The following TMEM131L variants were observed in gnomAD, a reference collection of about 807,000 sequenced individuals.
TMEM131L encodes transmembrane protein 131-like.
A neutral mutation model predicts 192.2 loss-of-function variants in TMEM131L; 54 were observed. That is an observed-to-expected ratio of 0.28 (90% CI 0.23 to 0.35). TMEM131L has a LOEUF of 0.35. TMEM131L is among the 10% of genes least tolerant of loss of function. TMEM131L has a pLI of 1.00. For synonymous variants in TMEM131L, 701 were observed against 704.9 expected (o/e 0.99, Z 0.09); for missense variants, 1,888 against 1,972.9 (o/e 0.96, Z 0.82).
chr4:153,536,363 T>A (rs1736322292), intron 3 of TMEM131L, among the ~76,000 whole-genome samples: 1 of 152,188 alleles, frequency 6.6e-6, no homozygotes, highest in African/African-American at 2.4e-5. Context: ...GGAAAACTCT[T>A]CATGTATGAT....
intron 3 of TMEM131L, among the ~76,000 whole-genome samples, chr4:153,516,317 C>A (rs1213608024): frequency 6.6e-6 from 1 of 152,134 alleles, no homozygotes. Context: ...GCAGCTTCCA[C>A]CTCCCAGGCT....
At chr4:153,603,267 C>CCT in intron 23 of TMEM131L, 36 bp from the exon 24 acceptor site, 2 of 1,585,910 alleles carry the variant, frequency 1.3e-6, no homozygotes, top group Non-Finnish European at 8.6e-7. Flanking sequence ...CCAGTCAGAA[C>CCT]CATGCAATAC....
At chr4:153,540,330 C>G (rs184518658) in intron 3 of TMEM131L, among the ~76,000 whole-genome samples, 1 of 152,040 alleles carries the variant, frequency 6.6e-6, no homozygotes, top group Non-Finnish European at 1.5e-5. Flanking sequence ...TTTTTCACTT[C>G]GTTAAAACTC....
intron 17 of TMEM131L, 77 bp downstream of exon 17, chr4:153,591,271 C>A: frequency 7.3e-7 from 1 of 1,377,976 alleles, no homozygotes; most frequent in Non-Finnish European, 9.6e-7. Flanking sequence ...AGATTGTGTC[C>A]ACCTTTAGCT....
intron 3 of TMEM131L, among the ~76,000 whole-genome samples, chr4:153,519,010 G>A (rs954187370): frequency 1.3e-5 from 2 of 152,150 alleles, no homozygotes; most frequent in Non-Finnish European, 2.9e-5. Context: ...TACATTTGCT[G>A]TGATCAGTTT....
At chr4:153,495,458 A>G (rs902751276) in intron 3 of TMEM131L, among the ~76,000 whole-genome samples, 3 of 152,186 alleles carry the variant, frequency 2.0e-5, no homozygotes, top group South Asian at 4.1e-4. Context: ...TGAGACATCA[A>G]TGAGTAGGTA....
intron 3 of TMEM131L, among the ~76,000 whole-genome samples, chr4:153,493,692 C>T (rs1266376513): frequency 2.6e-5 from 4 of 152,034 alleles, no homozygotes; most frequent in Non-Finnish European, 5.9e-5. Context: ...GCCAGACCGT[C>T]TGGGTTTGAA....
intron 3 of TMEM131L, among the ~76,000 whole-genome samples, chr4:153,474,651 G>A (rs931413403): frequency 5.9e-5 from 9 of 152,184 alleles, no homozygotes; most frequent in African/African-American, 2.2e-4. Context: ...CGCCTCCTGG[G>A]TTCAAGCAAT....
At chr4:153,500,074 TTCCCTCTGTCCCA>T in intron 3 of TMEM131L, among the ~76,000 whole-genome samples, 1 of 151,928 alleles carries the variant, frequency 6.6e-6, no homozygotes, top group African/African-American at 2.4e-5. Flanking sequence ...TTCCGTTCCC[TTCCCTCTGTCCCA>T]TCCCTCCCTC....
chr4:153,581,448 G>A lies in TMEM131L; in HGVS notation c.780G>A (p.Met260Ile), dbSNP rs1213341718. Residue 260 changes from methionine to isoleucine, a missense_variant, in exon 9 of 35, where the codon ATG becomes ATA. Physicochemically the swap from Met to Ile is conservative, Grantham distance 10. Transcript: ENST00000409959. ...LESDDVLRLQ[M>I]SIMVTMENFS... ...CTGATGATGTTTTGCGTCTACAAAT[G>A]AGCATAATGGTAACAATGGAAAACT... The A allele has an allele frequency of 3.2e-6, 5 of 1,586,816 alleles. No homozygotes were observed. The highest frequency in any genetic ancestry group is 1.7e-5 in the Admixed American group (1 of 57,794).
intron 3 of TMEM131L, among the ~76,000 whole-genome samples, chr4:153,475,595 GTTGGT>G (rs1367559719): frequency 1.3e-5 from 2 of 152,054 alleles, no homozygotes; most frequent in African/African-American, 2.4e-5. Flanking sequence ...TGTAAAACTT[GTTGGT>G]TTGATCAATT....
intron 2 of TMEM131L, among the ~76,000 whole-genome samples, chr4:153,469,180 G>A (rs531181197): frequency 3.4e-4 from 52 of 152,262 alleles, no homozygotes; most frequent in South Asian, 1.0e-3. Context: ...TTATAGCTAA[G>A]CTATTTTAAT....
intron 3 of TMEM131L, among the ~76,000 whole-genome samples, chr4:153,485,429 C>T (rs893418732): frequency 1.3e-5 from 2 of 152,198 alleles, no homozygotes. Flanking sequence ...GATTTGCCCC[C>T]CTGTGAAGTG....
At chr4:153,551,200 A>T (rs1377196090) in intron 4 of TMEM131L, among the ~76,000 whole-genome samples, 2 of 152,176 alleles carry the variant, frequency 1.3e-5, no homozygotes, top group Non-Finnish European at 2.9e-5. Context: ...TTGAGTGACA[A>T]GCAAAGTTTT....
At chr4:153,571,217 A>G (rs534400115) in intron 7 of TMEM131L, among the ~76,000 whole-genome samples, 1 of 152,356 alleles carries the variant, frequency 6.6e-6, no homozygotes, top group East Asian at 1.9e-4. Flanking sequence ...CTCTCCTGTC[A>G]GCCCAGTATC....
At chr4:153,595,273 G>T (rs1731349157) in intron 19 of TMEM131L, among the ~76,000 whole-genome samples, 1 of 152,058 alleles carries the variant, frequency 6.6e-6, no homozygotes, top group African/African-American at 2.4e-5. Flanking sequence ...TAAGAACATT[G>T]GAGTTTTTTA....
At chr4:153,493,480 A>G (rs1580064171) in intron 3 of TMEM131L, among the ~76,000 whole-genome samples, 1 of 150,836 alleles carries the variant, frequency 6.6e-6, no homozygotes, top group East Asian at 2.0e-4. Context: ...CCAGTGTGGT[A>G]AAACCCTGTC....
chr4:153,612,420 C>T lies in TMEM131L; in HGVS notation c.3567+20C>T, dbSNP rs758264403. 1.3e-6 allele frequency: 2 copies of T among 1,564,120 alleles called. No homozygotes were observed. Among genetic ancestry groups the T allele is most frequent in the African/African-American group, 1.4e-5 (1 of 72,234 alleles). The stretch of plus-strand genomic sequence containing the variant: ...GTAGAGGTCTGTATTTTTTTTCTTG[C>T]CTATTAAAAACAAAATCCATTTTTA... On this transcript the variant is annotated intron_variant, in intron 26 of 34. Transcript: ENST00000409959.
At chr4:153,556,865 C>T (rs1728500032) in intron 5 of TMEM131L, 101 bp from the exon 6 acceptor site, 2 of 665,538 alleles carry the variant, frequency 3.0e-6, no homozygotes, top group South Asian at 3.7e-5. Context: ...GCACAATATA[C>T]AAATGTCTGT....
Sources: gnomAD v4.1 joint callset for allele counts (sites outside exome capture counted in the v4.1 genomes callset) on GRCh38, gnomAD v4.1.1 for gene constraint, MANE v1.5 for transcripts, NCBI Gene and HGNC (gene_info 2026-07-23, HGNC 2026-07-21) for gene names.